The following RNF214 variants were observed in gnomAD, a reference collection of about 807,000 sequenced individuals.
RNF214 encodes the protein ring finger protein 214.
In RNF214, 25 loss-of-function variants were observed where a neutral mutation model predicts 75.9. That is an observed-to-expected ratio of 0.33 (90% CI 0.24 to 0.46). RNF214 has a LOEUF of 0.46. Ranked by LOEUF, RNF214 falls within the 20% of genes least tolerant of loss-of-function variation. The probability of loss-of-function intolerance (pLI) is 1.00; values close to 1 mark genes in which losing one functional copy is unlikely to be tolerated. For synonymous variants in RNF214, 314 were observed against 308.8 expected, an observed-to-expected ratio of 1.02 and a Z score of -0.18; for missense variants, 725 against 857.5, an observed-to-expected ratio of 0.85 and a Z score of 1.93.
At chr11:117,257,020 C>T (rs1456007154) in intron 6 of RNF214, among the ~76,000 whole-genome samples, 2 of 152,118 alleles carry the variant, frequency 1.3e-5, no homozygotes, top group Non-Finnish European at 2.9e-5. Flanking sequence ...ACACTCTTTG[C>T]AATAAAGTGA....
At chr11:117,283,462 G>C (rs1161943915) in intron 14 of RNF214, among the ~76,000 whole-genome samples, 1 of 152,090 alleles carries the variant, frequency 6.6e-6, no homozygotes, top group Non-Finnish European at 1.5e-5. Flanking sequence ...TCAGGTTCAA[G>C]TGATTCTCCT....
chr11:117,238,707 C>T lies in RNF214; in HGVS notation c.214C>T (p.Gln72Ter), dbSNP rs1340445531. ...NRNVHLEHSE[Q>*]NPGSSAGDTS... ...AAATGTCCATTTGGAGCACTCAGAG[C>T]AGAATCCTGGTTCATCAGCAGGTGA... The change falls in exon 3 of 15, where the codon CAG becomes TAG. Residue 72 changes from glutamine (Q) to a stop codon, truncating the protein, a stop_gained. Transcript: ENST00000300650. LOFTEE classifies it high-confidence loss of function. 6.2e-7 allele frequency: 1 copy of T among 1,614,060 alleles called. No homozygotes were observed.
intron 3 of RNF214, 193 bp from the exon 4 acceptor site, chr11:117,239,608 T>A: frequency 1.7e-6 from 1 of 579,238 alleles, no homozygotes; most frequent in Non-Finnish European, 3.1e-6. Flanking sequence ...TGGGTTATTT[T>A]GTGGGACCGA....
At chr11:117,264,150 G>A (rs1403274157) in intron 6 of RNF214, among the ~76,000 whole-genome samples, 1 of 151,948 alleles carries the variant, frequency 6.6e-6, no homozygotes, top group African/African-American at 2.4e-5. Flanking sequence ...GTGAAACCCC[G>A]TCTCTACTAA....
intron 6 of RNF214, among the ~76,000 whole-genome samples, chr11:117,274,767 C>T (rs1228914121): frequency 2.6e-5 from 4 of 151,848 alleles, no homozygotes; most frequent in African/African-American, 7.3e-5. Context: ...CTCCGCTTCC[C>T]GGGTTCAAGC....
In RNF214 at chr11:117,258,670, A is replaced by G. The variant is rs77747879; in HGVS notation, c.959+11722A>G. 3.0e-4 allele frequency among the ~76,000 whole-genome samples: 46 copies of G among 152,166 alleles called. No homozygotes were observed. In the East Asian group the frequency reaches 7.7e-3, roughly 26 times the overall value. On this transcript the variant is annotated intron_variant, in intron 6 of 14. Transcript: ENST00000300650. ...TAAGGGAACCATTCAGTGAGTTTTGACAAATGTATGCACTTGAGTAATTCA... is the reference window on the plus strand; with the variant it reads ...TAAGGGAACCATTCAGTGAGTTTTGGCAAATGTATGCACTTGAGTAATTCA...
Position 117,232,683 on chromosome 11 carries a change from C to A in RNF214, c.-50C>A, listed in dbSNP as rs1376639300. ...CGCGCGGGCCGGCGCTCGACCCCTC[C>A]CCCCGTGGCTCGGCCGCCCCCTCCC... On this transcript the variant is annotated 5_prime_UTR_variant, in exon 1 of 15. Coordinates refer to ENST00000300650, the MANE Select transcript of RNF214 (RefSeq NM_207343.4). The A allele has an allele frequency of 6.6e-6, 1 of 150,806 alleles. No homozygotes were observed. Among genetic ancestry groups the A allele is most frequent in the Non-Finnish European group, 1.5e-5 (1 of 67,518 alleles). 9.3% of individuals were successfully genotyped at this position (150,806 alleles called of 1,614,324 possible). A position where few individuals can be genotyped will look rare whatever the true frequency, so the allele number is the denominator to read the frequency against.
intron 6 of RNF214, among the ~76,000 whole-genome samples, chr11:117,259,108 G>T (rs531970021): frequency 6.6e-6 from 1 of 152,008 alleles, no homozygotes; most frequent in Non-Finnish European, 1.5e-5. Context: ...AGATGTGCAC[G>T]ATCACGCCCA....
At chr11:117,262,637 C>T (rs1264411932) in intron 6 of RNF214, among the ~76,000 whole-genome samples, 2 of 152,000 alleles carry the variant, frequency 1.3e-5, no homozygotes, top group Non-Finnish European at 2.9e-5. Flanking sequence ...CTGCCTTGGC[C>T]TCCCTAAGTG....
In RNF214 at chr11:117,238,745, G is replaced by A. The variant is rs372252799; in HGVS notation, c.252G>A (p.Ala84=). Residue 84 remains alanine (A), a synonymous_variant, in exon 3 of 15, where the codon GCG becomes GCA. Coordinates refer to ENST00000300650, the MANE Select transcript of RNF214 (RefSeq NM_207343.4). ...CATCAGCAGGTGACACCTCAGCAGC[G>A]CACCAGGTGGTTTTAGGAGAAAACT... ...PGSSAGDTSA[A]HQVVLGENLI... is the part of the protein sequence containing the mutation. 3.1e-5 allele frequency: 50 copies of A among 1,614,030 alleles called. No individual in the cohort carries two copies. Among genetic ancestry groups the A allele is most frequent in the East Asian group, 1.3e-4 (6 of 44,888 alleles).
intron 6 of RNF214, among the ~76,000 whole-genome samples, chr11:117,258,368 C>G (rs995755181): frequency 6.6e-6 from 1 of 151,934 alleles, no homozygotes; most frequent in African/African-American, 2.4e-5. Flanking sequence ...CGCCCAGCCC[C>G]GTCTTTTCTT....
At chr11:117,258,288 C>G (rs2033573595) in intron 6 of RNF214, among the ~76,000 whole-genome samples, 1 of 152,052 alleles carries the variant, frequency 6.6e-6, no homozygotes, top group Non-Finnish European at 1.5e-5. Context: ...AGGATGGTCT[C>G]AATCTCTTGA....
In RNF214 at chr11:117,282,009, T is replaced by C. The variant is rs1487382161; in HGVS notation, c.1451T>C (p.Leu484Ser). 2 of 1,614,048 alleles carry C rather than the reference T, an allele frequency of 1.2e-6. No homozygotes were observed. Among genetic ancestry groups the C allele is most frequent in the Admixed American group, 1.7e-5 (1 of 60,010 alleles). Residue 484 changes from leucine (L) to serine (S), a missense_variant, in exon 11 of 15, where the codon TTG (leucine) becomes TCG (serine). Transcript: ENST00000300650. The stretch of plus-strand genomic sequence containing the variant: ...ATGCCCAGTGCAGATCCCCGCTCCT[T>C]GTCTTTCCCAATCCTGAACCCTGCC... ...MVMPSADPRSLSFPILNPALS... is the reference protein window; with the variant it reads ...MVMPSADPRSSSFPILNPALS...
At chr11:117,258,385 T>C (rs2033577086) in intron 6 of RNF214, among the ~76,000 whole-genome samples, 1 of 152,104 alleles carries the variant, frequency 6.6e-6, no homozygotes. Flanking sequence ...TCTTTTTCGT[T>C]GAGAGGAGAC....
intron 6 of RNF214, among the ~76,000 whole-genome samples, chr11:117,252,219 A>G (rs2033413563): frequency 6.6e-6 from 1 of 152,162 alleles, no homozygotes; most frequent in Non-Finnish European, 1.5e-5. Flanking sequence ...AATGGATTGG[A>G]TTAGTGTATT....
intron 6 of RNF214, among the ~76,000 whole-genome samples, chr11:117,261,453 G>A (rs11216339): frequency 6.6e-6 from 1 of 151,918 alleles, no homozygotes; most frequent in Non-Finnish European, 1.5e-5. Flanking sequence ...GGTGGCAGGC[G>A]CCTGTAAACC....
intron 6 of RNF214, 49 bp from the exon 7 acceptor site, chr11:117,279,859 C>T (rs1324154261): frequency 4.8e-6 from 7 of 1,459,978 alleles, no homozygotes; most frequent in Middle Eastern, 1.8e-4. Flanking sequence ...TATCTCTCAA[C>T]AAGCTTATCT....
intron 6 of RNF214, among the ~76,000 whole-genome samples, chr11:117,248,260 G>T (rs557495836): frequency 1.1e-4 from 17 of 151,928 alleles, no homozygotes; most frequent in African/African-American, 4.1e-4. Context: ...GTATTTTTAG[G>T]AGAGACGGGG....
At chr11:117,243,412 C>G (rs2033132626) in intron 4 of RNF214, among the ~76,000 whole-genome samples, 3 of 152,156 alleles carry the variant, frequency 2.0e-5, no homozygotes. Flanking sequence ...TCCCAAAGTG[C>G]TGGGATTACA....
Sources: gnomAD v4.1 joint callset for allele counts (sites outside exome capture counted in the v4.1 genomes callset) on GRCh38, gnomAD v4.1.1 for gene constraint, MANE v1.5 for transcripts, NCBI Gene and HGNC (gene_info 2026-07-23, HGNC 2026-07-21) for gene names.